FAM222B: variants seen among roughly 807,000 people sequenced by gnomAD.
FAM222B encodes the protein protein FAM222B.
In FAM222B, 12 loss-of-function variants were observed where a neutral mutation model predicts 38.0. That is an observed-to-expected ratio of 0.32 (90% confidence interval 0.20 to 0.51). The LOEUF (loss-of-function observed/expected upper bound fraction) is 0.51, where lower values mean the gene tolerates loss of function less well. Ranked by LOEUF, FAM222B falls within the 20% of genes least tolerant of loss-of-function variation. The pLI is 0.97. For synonymous variants in FAM222B, 329 were observed against 317.2 expected (o/e 1.04, Z -0.40); for missense variants, 716 against 754.2 (o/e 0.95, Z 0.59).
intron 1 of FAM222B, among the ~76,000 whole-genome samples, chr17:28,807,539 C>T (rs2037550383): frequency 6.6e-6 from 1 of 152,100 alleles, no homozygotes. Context: ...GCCTGTGCCA[C>T]CATGCCCAGC....
intron 1 of FAM222B, among the ~76,000 whole-genome samples, chr17:28,811,371 C>T (rs568942660): frequency 1.3e-5 from 2 of 152,086 alleles, no homozygotes; most frequent in African/African-American, 2.4e-5. Context: ...ACCCTGGAGG[C>T]AGAGGTTGCA....
At chr17:28,810,596 G>A (rs1002621173) in intron 1 of FAM222B, among the ~76,000 whole-genome samples, 1 of 152,172 alleles carries the variant, frequency 6.6e-6, no homozygotes, top group African/African-American at 2.4e-5. Context: ...TCAGTAGCAA[G>A]TTAACTAGTC....
intron 1 of FAM222B, among the ~76,000 whole-genome samples, chr17:28,848,136 G>T (rs1007405567): frequency 6.6e-6 from 1 of 152,012 alleles, no homozygotes; most frequent in South Asian, 2.1e-4. Flanking sequence ...CTTTCTCTGG[G>T]TTGGCTCTCC....
upstream of FAM222B, among the ~76,000 whole-genome samples, chr17:28,846,997 G>A (rs1459706421): frequency 6.6e-6 from 1 of 151,998 alleles, no homozygotes; most frequent in Non-Finnish European, 1.5e-5. Context: ...GCCTAGGTGG[G>A]TAGATCACCT....
At chr17:28,812,408 G>A (rs1340295188) in intron 1 of FAM222B, 2 of 152,356 alleles carry the variant, frequency 1.3e-5, no homozygotes, top group Non-Finnish European at 2.9e-5. Flanking sequence ...ACTCCGCGGT[G>A]CGCCGACACC....
intron 1 of FAM222B, among the ~76,000 whole-genome samples, chr17:28,769,138 A>T (rs966881375): frequency 1.4e-5 from 2 of 143,488 alleles, no homozygotes; most frequent in Non-Finnish European, 3.0e-5. Context: ...CTTACCCTTT[A>T]TCACCCAATC....
At chr17:28,760,338 GC>G (rs1338784580) in intron 2 of FAM222B, among the ~76,000 whole-genome samples, 1 of 152,102 alleles carries the variant, frequency 6.6e-6, no homozygotes, top group Non-Finnish European at 1.5e-5. Context: ...ATTTTGGGAG[GC>G]CAAGGTGGGT....
chr17:28,802,286 T>C (rs1261851986), intron 1 of FAM222B, among the ~76,000 whole-genome samples: 1 of 151,882 alleles, frequency 6.6e-6, no homozygotes, highest in East Asian at 1.9e-4. Flanking sequence ...TTAGTAGAGA[T>C]AAGGTTTCAC....
At chr17:28,809,352 C>CAAA (rs146580054) in intron 1 of FAM222B, among the ~76,000 whole-genome samples, 1 of 63,012 alleles carries the variant, frequency 1.6e-5, no homozygotes, top group African/African-American at 6.4e-5. Flanking sequence ...GACTCCGTCT[C>CAAA]AAAAAAAAAA....
rs183116433 is a variant in FAM222B, at chr17:28,777,942, C to T, written c.-40-11235G>A. Among the ~76,000 whole-genome samples the T allele has an allele frequency of 2.8e-4, 43 of 151,210 alleles. No individual in the cohort carries two copies. In the Middle Eastern group the frequency reaches 0.01, roughly 36 times the overall value. ...TAGCTGGGACTGCAGGCATGAGCTA[C>T]CATGCCTGGCTAATTTTTTGTATTT... On this transcript the variant is annotated intron_variant, in intron 1 of 2. Transcript: ENST00000581407.
At chr17:28,770,929 T>C (rs1164775934) in intron 1 of FAM222B, among the ~76,000 whole-genome samples, 1 of 152,026 alleles carries the variant, frequency 6.6e-6, no homozygotes, top group East Asian at 1.9e-4. Context: ...ATGTCTATGA[T>C]TAAGAGGCAA....
chr17:28,758,344 G>A lies in FAM222B; in HGVS notation c.1615C>T (p.Arg539Ter). Residue 539 changes from arginine (R) to a stop codon, truncating the protein, a stop_gained, in exon 3 of 3, where the codon CGA (arginine) becomes TGA (stop). Transcript: ENST00000581407. LOFTEE classifies it high-confidence loss of function. ...TCGGGGGCTCGGTTGCCAGGGGCTC[G>A]GTGGGCCTTGCTCAGCATGGCCAGG... ...QSLAMLSKAH[R>*]APGNRAPDPT... 3.7e-6 allele frequency: 6 copies of A among 1,612,826 alleles called. No individual in the cohort carries two copies. The highest frequency in any genetic ancestry group is 4.2e-6 in the Non-Finnish European group (5 of 1,179,406).
intron 1 of FAM222B, among the ~76,000 whole-genome samples, chr17:28,789,094 A>AC (rs2036550222): frequency 6.6e-6 from 1 of 151,182 alleles, no homozygotes; most frequent in Non-Finnish European, 1.5e-5. Flanking sequence ...AAAAAAAAAA[A>AC]AAAAAAAAAC....
chr17:28,818,372 C>CA (rs1166306396), intron 1 of FAM222B, among the ~76,000 whole-genome samples: 1 of 151,516 alleles, frequency 6.6e-6, no homozygotes, highest in Non-Finnish European at 1.5e-5. Context: ...GCTAAAAATA[C>CA]AAAAAATTAG....
chr17:28,828,578 AAAC>A (rs1448805356), intron 1 of FAM222B, among the ~76,000 whole-genome samples: 4 of 151,876 alleles, frequency 2.6e-5, no homozygotes, highest in Admixed American at 6.6e-5. Context: ...GAAAAAAAAA[AAAC>A]AAAAAACATA....
chr17:28,852,195 G>A (rs1412160452), intron 1 of FAM222B, among the ~76,000 whole-genome samples: 5 of 151,634 alleles, frequency 3.3e-5, no homozygotes, highest in East Asian at 1.9e-4. Context: ...GTAAAACACC[G>A]TCTCTACTAA....
At chr17:28,815,025 C>T (rs2037962920) in intron 1 of FAM222B, among the ~76,000 whole-genome samples, 1 of 146,710 alleles carries the variant, frequency 6.8e-6, no homozygotes, top group Non-Finnish European at 1.5e-5. Context: ...CCACCCCCCT[C>T]GCCTCCCAAA....
At chr17:28,812,015 A>G (rs1014024779) in intron 1 of FAM222B, 19 of 152,324 alleles carry the variant, frequency 1.2e-4, no homozygotes, top group Admixed American at 9.8e-4. Context: ...GTAAAAAGAG[A>G]TAAGAGTCCT....
chr17:28,835,861 G>A (rs1361083951), intron 1 of FAM222B, among the ~76,000 whole-genome samples: 1 of 151,866 alleles, frequency 6.6e-6, no homozygotes, highest in Non-Finnish European at 1.5e-5. Flanking sequence ...TTTTTGTAAA[G>A]AGAGGGTTTC....
Sources: allele counts gnomAD v4.1 joint callset (sites outside exome capture counted in the v4.1 genomes callset), GRCh38; gene constraint gnomAD v4.1.1; transcripts MANE v1.5; gene names NCBI Gene and HGNC (gene_info 2026-07-23, HGNC 2026-07-21).